CPVL: variants seen among roughly 807,000 people sequenced by gnomAD.
CPVL encodes carboxypeptidase vitellogenic like.
Under a neutral mutation model 63.7 loss-of-function variants are expected in CPVL, and 51 were observed. That is an observed-to-expected ratio of 0.80 (90% confidence interval 0.64 to 1.01). The LOEUF (loss-of-function observed/expected upper bound fraction) is 1.01. Ranked by LOEUF, CPVL falls within the 50% of genes least tolerant of loss-of-function variation. The pLI is 0.00. For synonymous variants in CPVL, 195 were observed against 206.0 expected (o/e 0.95, Z 0.46); for missense variants, 530 against 573.1 (o/e 0.92, Z 0.77).
chr7:29,140,148 T>C (rs1408075720), intron 1 of CPVL, among the ~76,000 whole-genome samples: 2 of 152,154 alleles, frequency 1.3e-5, no homozygotes, highest in Admixed American at 6.5e-5. Flanking sequence ...CATTCAAACA[T>C]GCAGGCCTCG....
chr7:29,020,888 G>A (rs1413662465), intron 12 of CPVL, among the ~76,000 whole-genome samples: 1 of 152,200 alleles, frequency 6.6e-6, no homozygotes, highest in Non-Finnish European at 1.5e-5. Context: ...TTAAGATGAT[G>A]TTACAGGCCG....
intron 5 of CPVL, among the ~76,000 whole-genome samples, chr7:29,174,145 G>T (rs1796964389): frequency 6.6e-6 from 1 of 152,092 alleles, no homozygotes; most frequent in African/African-American, 2.4e-5. Context: ...CCCCCGTTTG[G>T]TGGCACAGGA....
chr7:29,067,775 T>C (rs1006997732), intron 9 of CPVL, among the ~76,000 whole-genome samples: 6 of 152,140 alleles, frequency 3.9e-5, no homozygotes, highest in Admixed American at 2.6e-4. Context: ...AAGGTATTAT[T>C]ATTCTAATTT....
intron 6 of CPVL, among the ~76,000 whole-genome samples, chr7:29,091,087 T>A (rs980414099): frequency 1.3e-5 from 2 of 152,178 alleles, no homozygotes; most frequent in African/African-American, 2.4e-5. Flanking sequence ...CACCCTTGAT[T>A]AGCTATTTTC....
intron 6 of CPVL, among the ~76,000 whole-genome samples, chr7:29,092,147 CTGTT>C (rs997623255): frequency 6.1e-4 from 91 of 148,428 alleles, no homozygotes; most frequent in Non-Finnish European, 7.6e-4. Flanking sequence ...TATATGGACA[CTGTT>C]TGGCCAGACT....
At chr7:29,064,302 G>C in intron 10 of CPVL, 68 bp from the exon 11 acceptor site, 1 of 978,812 alleles carries the variant, frequency 1.0e-6, no homozygotes, top group East Asian at 2.5e-5. Flanking sequence ...GTTGGGAAAA[G>C]CTGTGAATTT....
At chr7:29,056,522 CG>C (rs1294013390) in intron 11 of CPVL, among the ~76,000 whole-genome samples, 2 of 152,196 alleles carry the variant, frequency 1.3e-5, no homozygotes, top group Admixed American at 6.5e-5. Flanking sequence ...CTTGATAGCT[CG>C]TTTTTTTTAG....
chr7:29,164,578 A>G (rs912068769), intron 5 of CPVL, among the ~76,000 whole-genome samples: 1 of 151,870 alleles, frequency 6.6e-6, no homozygotes, highest in African/African-American at 2.4e-5. Context: ...TGAACTCAGA[A>G]GAGACCAGCC....
rs759332913 is a variant in CPVL, at chr7:29,146,532, A to C, written c.-114T>G. ...AGGCAGAAGTGAGGCAGCCCCACCC[A>C]GTCACGAGGACCCTGCAGAACTCGA... On this transcript the variant is annotated 5_prime_UTR_variant, in exon 1 of 13. Coordinates refer to ENST00000265394, the MANE Select transcript of CPVL (RefSeq NM_031311.5). The C allele has an allele frequency of 6.7e-7, 1 of 1,499,268 alleles. No individual in the cohort carries two copies. Among genetic ancestry groups the C allele is most frequent in the Non-Finnish European group, 8.9e-7 (1 of 1,126,044 alleles). The allele number at this position is 1,499,268 out of a possible 1,614,324, so 92.9% of individuals were successfully genotyped here.
At chr7:29,111,339 A>C (rs1430353230) in intron 3 of CPVL, among the ~76,000 whole-genome samples, 1 of 152,204 alleles carries the variant, frequency 6.6e-6, no homozygotes, top group Non-Finnish European at 1.5e-5. Flanking sequence ...CCTATGGGCT[A>C]GACCACCCGA....
At chr7:29,110,891 G>A (rs544445163) in intron 3 of CPVL, among the ~76,000 whole-genome samples, 1 of 152,236 alleles carries the variant, frequency 6.6e-6, no homozygotes, top group Non-Finnish European at 1.5e-5. Flanking sequence ...GAGATTATGT[G>A]CTGTGAGAAG....
At chr7:29,132,549 C>T (rs184295113) in intron 1 of CPVL, among the ~76,000 whole-genome samples, 4 of 152,254 alleles carry the variant, frequency 2.6e-5, no homozygotes, top group Admixed American at 2.6e-4. Context: ...GTGCTTTTCT[C>T]TCTAAACCCT....
At chr7:29,112,472 G>A in intron 3 of CPVL, among the ~76,000 whole-genome samples, 1 of 152,074 alleles carries the variant, frequency 6.6e-6, no homozygotes, top group Admixed American at 6.5e-5. Flanking sequence ...AAATAAGGCT[G>A]CAAGAAATTT....
At chr7:29,097,658 T>G (rs923289417) in intron 3 of CPVL, among the ~76,000 whole-genome samples, 12 of 152,212 alleles carry the variant, frequency 7.9e-5, no homozygotes, top group Non-Finnish European at 2.9e-5. Flanking sequence ...ATAGCACCAC[T>G]GTACTCAAGC....
At chr7:29,132,657 T>A (rs1490600719) in intron 1 of CPVL, among the ~76,000 whole-genome samples, 1 of 152,118 alleles carries the variant, frequency 6.6e-6, no homozygotes, top group Non-Finnish European at 1.5e-5. Context: ...CAGCCCAGCC[T>A]CCCTCGTTAA....
intron 1 of CPVL, among the ~76,000 whole-genome samples, chr7:29,124,385 T>C (rs1027795479): frequency 2.6e-5 from 4 of 152,172 alleles, no homozygotes; most frequent in Non-Finnish European, 5.9e-5. Context: ...CAAAATGTTC[T>C]TCTTAATAAA....
chr7:29,042,268 C>G (rs1256682811), intron 11 of CPVL, among the ~76,000 whole-genome samples: 2 of 152,084 alleles, frequency 1.3e-5, no homozygotes, highest in African/African-American at 4.8e-5. Flanking sequence ...CCTGCCAGCT[C>G]TCTGCTCCCC....
intron 1 of CPVL, among the ~76,000 whole-genome samples, chr7:29,136,127 G>A (rs1057115515): frequency 6.6e-6 from 1 of 152,200 alleles, no homozygotes; most frequent in Non-Finnish European, 1.5e-5. Context: ...GGAGCAGTAA[G>A]ATAGAGGGGG....
chr7:29,176,538 G>A (rs542830901), intron 5 of CPVL, among the ~76,000 whole-genome samples: 13 of 152,048 alleles, frequency 8.5e-5, no homozygotes, highest in Middle Eastern at 3.4e-3. Context: ...GATTCCAAAG[G>A]AAAGACAAAG....
Sources: allele counts gnomAD v4.1 joint callset (sites outside exome capture counted in the v4.1 genomes callset), GRCh38; gene constraint gnomAD v4.1.1; transcripts MANE v1.5; gene names NCBI Gene and HGNC (gene_info 2026-07-23, HGNC 2026-07-21).